Variants in PPM1H observed in about 807,000 individuals in gnomAD.
PPM1H encodes the protein protein phosphatase 1H.
Under a neutral mutation model 54.9 loss-of-function variants are expected in PPM1H, and 27 were observed. The ratio of observed to expected loss-of-function variants is 0.49; its 90% CI spans 0.36 to 0.68. The LOEUF (loss-of-function observed/expected upper bound fraction) is 0.68. Ranked by LOEUF, PPM1H falls within the 30% of genes least tolerant of loss-of-function variation. The probability of loss-of-function intolerance (pLI) is 0.00; values close to 1 mark genes in which losing one functional copy is unlikely to be tolerated. For missense variants in PPM1H, 596 were observed against 667.8 expected (o/e 0.89, Z 1.19); for synonymous variants, 305 against 270.8 (o/e 1.13, Z -1.24).
At chr12:62,913,843 C>T (rs1009381853) in intron 1 of PPM1H, among the ~76,000 whole-genome samples, 4 of 151,898 alleles carry the variant, frequency 2.6e-5, no homozygotes, top group Middle Eastern at 3.2e-3. Flanking sequence ...TGGGATTATA[C>T]GCATGCGCCA....
chr12:62,750,525 G>A (rs2076437506), intron 4 of PPM1H, among the ~76,000 whole-genome samples: 1 of 152,212 alleles, frequency 6.6e-6, no homozygotes, highest in Non-Finnish European at 1.5e-5. Flanking sequence ...TTAGTTGGCA[G>A]ACATTTGTGT....
At chr12:62,863,890 C>T (rs142047291) in intron 1 of PPM1H, among the ~76,000 whole-genome samples, 8 of 152,306 alleles carry the variant, frequency 5.3e-5, no homozygotes, top group African/African-American at 1.4e-4. Flanking sequence ...TTTCCATTAT[C>T]GAGGCTCTTG....
rs115516265 is a variant in PPM1H at position 62,907,716 on chromosome 12, C to T, written c.245+26776G>A. Reference sequence around the variant, plus strand: ...TGGAGAATTTAAACGTGTACCTGTACCAAAAAGAGGAACTCATCCTAAGTT... The same window carrying T: ...TGGAGAATTTAAACGTGTACCTGTATCAAAAAGAGGAACTCATCCTAAGTT... On this transcript the variant is annotated intron_variant, in intron 1 of 9. Transcript: ENST00000228705. Among the ~76,000 whole-genome samples, 168 of 152,218 alleles carry T rather than the reference C, an allele frequency of 1.1e-3. 1 individual carries two copies. Among genetic ancestry groups the T allele is most frequent in the African/African-American group, 3.9e-3 (163 of 41,542 alleles).
rs1165658921 is a variant in PPM1H at position 62,801,840 on chromosome 12, C to T, written c.732G>A (p.Ala244=). ...CCATTTCCTTGAATGCACTTTCAAGCGCTCCGATGACCAGGCACTCATGGG... is the reference window on the plus strand; with the variant it reads ...CCATTTCCTTGAATGCACTTTCAAGTGCTCCGATGACCAGGCACTCATGGG... ...KIPHECLVIG[A]LESAFKEMDL... Residue 244 remains alanine (A), a synonymous_variant, in exon 3 of 10, where the codon GCG becomes GCA. Transcript: ENST00000228705. 3 of 1,613,884 alleles carry T rather than the reference C, an allele frequency of 1.9e-6. No individual in the cohort carries two copies. Among genetic ancestry groups the T allele is most frequent in the Admixed American group, 1.7e-5 (1 of 60,026 alleles).
chr12:62,902,122 G>A (rs551463899), intron 1 of PPM1H, among the ~76,000 whole-genome samples: 82 of 152,082 alleles, frequency 5.4e-4, no homozygotes, highest in African/African-American at 1.8e-3. Flanking sequence ...CAGCACTTTG[G>A]GACACTGAGG....
intron 1 of PPM1H, among the ~76,000 whole-genome samples, chr12:62,894,376 AT>A (rs1435416555): frequency 1.3e-5 from 2 of 152,188 alleles, no homozygotes; most frequent in African/African-American, 4.8e-5. Context: ...CCAAAAAGGT[AT>A]TTAGATGAGA....
At chr12:62,728,650 C>A (rs985323135) in intron 5 of PPM1H, among the ~76,000 whole-genome samples, 13 of 152,308 alleles carry the variant, frequency 8.5e-5, no homozygotes, top group African/African-American at 2.6e-4. Flanking sequence ...GAGCAACCTG[C>A]ACCCAAGGCT....
chr12:62,652,498 T>A (rs1361656467), intron 9 of PPM1H, among the ~76,000 whole-genome samples: 2 of 152,268 alleles, frequency 1.3e-5, no homozygotes, highest in Non-Finnish European at 2.9e-5. Context: ...CCTGTACCTA[T>A]ATTTTGCAGT....
At chr12:62,822,745 T>G (rs2076911980) in intron 2 of PPM1H, among the ~76,000 whole-genome samples, 1 of 151,446 alleles carries the variant, frequency 6.6e-6, no homozygotes, top group Non-Finnish European at 1.5e-5. Flanking sequence ...CTTAAAGCAG[T>G]GTGTAGAGGG....
chr12:62,806,076 C>T (rs1298899787), intron 2 of PPM1H, among the ~76,000 whole-genome samples: 2 of 151,952 alleles, frequency 1.3e-5, no homozygotes, highest in East Asian at 1.9e-4. Context: ...TATTTGGGAT[C>T]TCTATTTTCA....
intron 8 of PPM1H, among the ~76,000 whole-genome samples, chr12:62,676,416 C>A (rs982226913): frequency 6.6e-6 from 1 of 152,098 alleles, no homozygotes; most frequent in Non-Finnish European, 1.5e-5. Flanking sequence ...TGGGAGCTCC[C>A]AAGTTGGTGG....
intron 1 of PPM1H, among the ~76,000 whole-genome samples, chr12:62,836,363 C>T (rs1868504144): frequency 6.6e-6 from 1 of 152,246 alleles, no homozygotes; most frequent in African/African-American, 2.4e-5. Flanking sequence ...GAAATCAACT[C>T]TGCTACTTCC....
At chr12:62,923,837 C>T (rs1871882392) in intron 1 of PPM1H, among the ~76,000 whole-genome samples, 1 of 152,344 alleles carries the variant, frequency 6.6e-6, no homozygotes, top group South Asian at 2.1e-4. Flanking sequence ...ACCCCAGGAA[C>T]TCACAGAGTT....
At position 62,692,975 on chromosome 12, in the gene PPM1H, G is replaced by A. The variant is rs544016978; in HGVS notation, c.1137+961C>T. On this transcript the variant is annotated intron_variant, in intron 7 of 9. Transcript: ENST00000228705. ...CACACACACACACACTCTGCCCATG[G>A]AAGGCATCCTTTGGTTTTCTTCTGA... Among the ~76,000 whole-genome samples the A allele has an allele frequency of 1.5e-4, 19 of 122,960 alleles. 1 individual carries two copies. The South Asian group carries it at 2.9e-3, about 19-fold the overall frequency. The allele number at this position is 122,960 out of a possible 152,430, so 80.7% of individuals were successfully genotyped here.
At chr12:62,872,259 T>G (rs981006805) in intron 1 of PPM1H, among the ~76,000 whole-genome samples, 1 of 152,164 alleles carries the variant, frequency 6.6e-6, no homozygotes, top group Non-Finnish European at 1.5e-5. Context: ...AGTACAACAG[T>G]GGTGTTCTGA....
At chr12:62,775,942 G>A (rs529512564) in intron 4 of PPM1H, among the ~76,000 whole-genome samples, 11 of 152,308 alleles carry the variant, frequency 7.2e-5, no homozygotes, top group African/African-American at 2.2e-4. Flanking sequence ...GTTCCACATG[G>A]CTGGGGAGGC....
intron 1 of PPM1H, among the ~76,000 whole-genome samples, chr12:62,923,653 C>T (rs1409378827): frequency 6.6e-6 from 1 of 152,212 alleles, no homozygotes; most frequent in Non-Finnish European, 1.5e-5. Flanking sequence ...TCGCCCACCT[C>T]GGTCTCCCAA....
At chr12:62,804,671 T>C (rs1291850341) in intron 2 of PPM1H, among the ~76,000 whole-genome samples, 1 of 142,100 alleles carries the variant, frequency 7.0e-6, no homozygotes, top group Non-Finnish European at 1.5e-5. Context: ...AATTTCTTTT[T>C]TTTTCTTTTT....
At chr12:62,923,727 G>A (rs1871879072) in intron 1 of PPM1H, among the ~76,000 whole-genome samples, 1 of 152,150 alleles carries the variant, frequency 6.6e-6, no homozygotes, top group Non-Finnish European at 1.5e-5. Context: ...AAAATGCTGG[G>A]GGAGAAAATA....
Sources: allele counts gnomAD v4.1 joint callset (sites outside exome capture counted in the v4.1 genomes callset), GRCh38; gene constraint gnomAD v4.1.1; transcripts MANE v1.5; gene names NCBI Gene and HGNC (gene_info 2026-07-23, HGNC 2026-07-21).